Variants in SLC1A2 observed in about 807,000 individuals in gnomAD.
The protein encoded by SLC1A2 is excitatory amino acid transporter 2.
In SLC1A2, 15 loss-of-function variants were observed where a neutral mutation model predicts 48.8. The ratio of observed to expected loss-of-function variants is 0.31; its 90% CI spans 0.21 to 0.47. The LOEUF (loss-of-function observed/expected upper bound fraction) is 0.47. Ranked by LOEUF, SLC1A2 falls within the 20% of genes least tolerant of loss-of-function variation. The pLI is 0.99. For synonymous variants in SLC1A2, 279 were observed against 272.6 expected, an observed-to-expected ratio of 1.02 and a Z score of -0.23; for missense variants, 502 against 730.5, an observed-to-expected ratio of 0.69 and a Z score of 3.61.
intron 1 of SLC1A2, chr11:35,380,640 T>C (rs1430726252): frequency 1.8e-5 from 7 of 378,502 alleles, no homozygotes; most frequent in Non-Finnish European, 3.3e-5. Flanking sequence ...CTCTTCTGCA[T>C]AAAGAGGTAT....
chr11:35,383,936 C>T (rs1385605903), intron 1 of SLC1A2, among the ~76,000 whole-genome samples: 1 of 152,186 alleles, frequency 6.6e-6, no homozygotes, highest in African/African-American at 2.4e-5. Context: ...GTTCTTCATG[C>T]TGAACGGATG....
intron 1 of SLC1A2, among the ~76,000 whole-genome samples, chr11:35,389,882 G>A (rs527425184): frequency 7.9e-5 from 12 of 152,290 alleles, no homozygotes; most frequent in South Asian, 6.2e-4. Flanking sequence ...CAGAGTGTTG[G>A]ATTACAAGCA....
intron 10 of SLC1A2, 24 bp downstream of exon 10, chr11:35,265,503 G>T: frequency 8.2e-7 from 1 of 1,222,748 alleles, no homozygotes; most frequent in Non-Finnish European, 1.2e-6. Context: ...TACAAGTCTC[G>T]ATATCCATGA....
Position 35,304,783 on chromosome 11 carries a change from C to T in SLC1A2, c.730+1291G>A, listed in dbSNP as rs779481387. ...AACAAACAAACATGACACTCAATTA[C>T]TTTTTGAATTTCAGGTAAAAAATGA... is the stretch of plus-strand genomic sequence containing the variant. On this transcript the variant is annotated intron_variant, in intron 5 of 10. Transcript: ENST00000278379. 7.0e-4 allele frequency among the ~76,000 whole-genome samples: 106 copies of T among 152,224 alleles called. 1 individual carries two copies. The highest frequency in any genetic ancestry group is 3.4e-3 in the Middle Eastern group (1 of 294).
intron 7 of SLC1A2, among the ~76,000 whole-genome samples, chr11:35,288,487 G>A (rs924165684): frequency 2.0e-5 from 3 of 152,104 alleles, no homozygotes; most frequent in Non-Finnish European, 4.4e-5. Flanking sequence ...CCTTTCCTGG[G>A]CCCTTTCGAA....
intron 1 of SLC1A2, among the ~76,000 whole-genome samples, chr11:35,325,687 G>A (rs1171563259): frequency 6.6e-6 from 1 of 152,186 alleles, no homozygotes; most frequent in Non-Finnish European, 1.5e-5. Context: ...GGCGGGCCAG[G>A]TGAAGTGGTT....
rs537939670 is a variant in SLC1A2, at chr11:35,306,371, G to A, written c.562-129C>T. On this transcript the variant is annotated intron_variant, in intron 4 of 10. Coordinates refer to ENST00000278379, the MANE Select transcript of SLC1A2 (RefSeq NM_004171.4). ...CAATAATTAAGAAATGCCAAAACAA[G>A]GTTATGAAAACTGGAGAATATTTTA... is the stretch of plus-strand genomic sequence containing the variant. 21 of 630,618 alleles carry A rather than the reference G, an allele frequency of 3.3e-5. No homozygotes were observed. In the South Asian group the frequency reaches 5.1e-4, roughly 15 times the overall value. The allele number at this position is 630,618 out of a possible 1,614,324, so 39.1% of individuals were successfully genotyped here. A position where few individuals can be genotyped will look rare whatever the true frequency, so the allele number is the denominator to read the frequency against.
chr11:35,254,896 A>C lies in SLC1A2; in HGVS notation c.*5998T>G, dbSNP rs937651794. ...AAGTGAAGCAAGGCTGGACATAGAAAAAAACTGATCAGTAGTTATTCAGGA... is the reference window on the plus strand; with the variant it reads ...AAGTGAAGCAAGGCTGGACATAGAACAAAACTGATCAGTAGTTATTCAGGA... On this transcript the variant is annotated 3_prime_UTR_variant, in exon 11 of 11. Transcript: ENST00000278379. 7.0e-6 allele frequency: 3 copies of C among 429,948 alleles called. No homozygotes were observed. The highest frequency in any genetic ancestry group is 9.2e-6 in the Non-Finnish European group (2 of 217,576). The allele number at this position is 429,948 out of a possible 1,614,324, so 26.6% of individuals were successfully genotyped here.
In SLC1A2 at chr11:35,312,483, A is replaced by G. The variant is rs372184045; in HGVS notation, c.311-35T>C. On this transcript the variant is annotated intron_variant, in intron 3 of 10. Coordinates refer to ENST00000278379, the MANE Select transcript of SLC1A2 (RefSeq NM_004171.4). ...AAAGAAATGCAGAAGGATTAATTCT[A>G]TTACGTTTGTGCTAATGACCTGTGT... The G allele has an allele frequency of 3.8e-5, 61 of 1,610,646 alleles. No homozygotes were observed. In the African/African-American group the frequency reaches 5.5e-4, roughly 14 times the overall value.
chr11:35,305,869 C>T (rs1851484689), intron 5 of SLC1A2, among the ~76,000 whole-genome samples: 2 of 152,210 alleles, frequency 1.3e-5, no homozygotes. Context: ...CTTCTTGCTG[C>T]CCTGTCCCCT....
intron 1 of SLC1A2, among the ~76,000 whole-genome samples, chr11:35,396,209 G>A (rs1854952257): frequency 9.3e-6 from 1 of 107,836 alleles, no homozygotes; most frequent in Non-Finnish European, 1.8e-5. Flanking sequence ...GGATGGCTGG[G>A]TCAAATGGTA....
chr11:35,295,596 G>C (rs545142666), intron 6 of SLC1A2, among the ~76,000 whole-genome samples: 12 of 152,118 alleles, frequency 7.9e-5, no homozygotes, highest in Non-Finnish European at 1.6e-4. Flanking sequence ...CCCAGTGATT[G>C]TTGGTCCATT....
intron 3 of SLC1A2, 65 bp downstream of exon 3, chr11:35,314,958 A>C (rs1851824045): frequency 8.7e-7 from 1 of 1,155,852 alleles, no homozygotes; most frequent in African/African-American, 1.5e-5. Flanking sequence ...GAGATTCTAC[A>C]GTTAATTAAA....
At chr11:35,274,506 G>A (rs879578508) in intron 9 of SLC1A2, among the ~76,000 whole-genome samples, 4 of 152,126 alleles carry the variant, frequency 2.6e-5, no homozygotes, top group African/African-American at 9.7e-5. Context: ...AAAGGTTAAC[G>A]TAGGAATTAG....
At chr11:35,351,504 A>C (rs1853250936) in intron 1 of SLC1A2, among the ~76,000 whole-genome samples, 1 of 152,240 alleles carries the variant, frequency 6.6e-6, no homozygotes, top group Non-Finnish European at 1.5e-5. Flanking sequence ...AGCTAAAAAC[A>C]GTCTGGTTTT....
intron 7 of SLC1A2, among the ~76,000 whole-genome samples, chr11:35,291,103 G>C (rs950782043): frequency 6.6e-6 from 1 of 152,274 alleles, no homozygotes; most frequent in South Asian, 2.1e-4. Flanking sequence ...TGAATGATGA[G>C]CTATGGGTTT....
chr11:35,331,133 C>T (rs1852411529), intron 1 of SLC1A2, among the ~76,000 whole-genome samples: 1 of 152,218 alleles, frequency 6.6e-6, no homozygotes, highest in African/African-American at 2.4e-5. Context: ...CCAGACACTG[C>T]TTCTCAGCCT....
At chr11:35,398,583 G>A (rs968422198) in intron 1 of SLC1A2, among the ~76,000 whole-genome samples, 3 of 152,176 alleles carry the variant, frequency 2.0e-5, no homozygotes, top group Admixed American at 6.5e-5. Flanking sequence ...ACTGCATGAT[G>A]AAATAACCTG....
Position 35,312,271 on chromosome 11 carries a change from G to A in SLC1A2, c.488C>T (p.Ser163Phe). 6.2e-7 allele frequency: 1 copy of A among 1,614,126 alleles called. No homozygotes were observed. The highest frequency in any genetic ancestry group is 8.5e-7 in the Non-Finnish European group (1 of 1,179,994). Residue 163 changes from serine (S) to phenylalanine (F), a missense_variant, in exon 4 of 11, where the codon TCC becomes TTC. Physicochemically the swap from Ser to Phe is radical, Grantham distance 155. Around this residue, in one of 4 missense-constraint regions of SLC1A2, gnomAD observed 309 missense variants for 480.3 expected, o/e 0.64. Transcript: ENST00000278379. Reference sequence around the variant, plus strand: ...AAGGTCCAGGAAGGCATCCAGGCTGGACACTTCATCATTCTTCTTCCCAGG... The same window carrying A: ...AAGGTCCAGGAAGGCATCCAGGCTGAACACTTCATCATTCTTCTTCCCAGG... The part of the protein sequence containing the change: ...LGPGKKNDEV[S>F]SLDAFLDLIR...
Sources: allele counts gnomAD v4.1 joint callset (sites outside exome capture counted in the v4.1 genomes callset), GRCh38; gene constraint gnomAD v4.1.1; regional missense constraint gnomAD v4.1.1; transcripts MANE v1.5; gene names NCBI Gene and HGNC (gene_info 2026-07-23, HGNC 2026-07-21).